Variants in CNTLN observed in about 807,000 individuals in gnomAD.
The protein encoded by CNTLN is centlein, centrosomal protein.
In CNTLN, 212 loss-of-function variants were observed where a neutral mutation model predicts 180.0. The observed-to-expected ratio is 1.18, with a 90% confidence interval of 1.05 to 1.32. CNTLN has a LOEUF of 1.32. Among genes scored for constraint, CNTLN ranks in the 40% most tolerant of loss-of-function variants. The pLI is 0.00. For synonymous variants in CNTLN, 722 were observed against 563.1 expected, an observed-to-expected ratio of 1.28 and a Z score of -3.99; for missense variants, 2,095 against 1,610.9, an observed-to-expected ratio of 1.30 and a Z score of -5.14.
chr9:17,450,417 AAG>A (rs1276825686), intron 18 of CNTLN, among the ~76,000 whole-genome samples: 1 of 152,222 alleles, frequency 6.6e-6, no homozygotes, highest in Non-Finnish European at 1.5e-5. Flanking sequence ...TGACTTAAAA[AAG>A]AAAGTTCCTC....
intron 5 of CNTLN, among the ~76,000 whole-genome samples, chr9:17,240,966 C>A (rs1190325608): frequency 6.6e-6 from 1 of 152,162 alleles, no homozygotes; most frequent in African/African-American, 2.4e-5. Flanking sequence ...TCATGCCATT[C>A]TCCTGCCTCA....
intron 18 of CNTLN, among the ~76,000 whole-genome samples, chr9:17,418,526 T>C (rs1203982425): frequency 3.9e-5 from 6 of 152,070 alleles, no homozygotes; most frequent in Non-Finnish European, 8.8e-5. Flanking sequence ...ATTTGGGTAG[T>C]ATCTGTTGAT....
At chr9:17,219,139 A>T (rs1823960264) in intron 2 of CNTLN, among the ~76,000 whole-genome samples, 1 of 151,996 alleles carries the variant, frequency 6.6e-6, no homozygotes, top group South Asian at 2.1e-4. Context: ...GTCGGCAAAT[A>T]TTCTTCGCTC....
At chr9:17,197,216 T>C (rs796106560) in intron 2 of CNTLN, among the ~76,000 whole-genome samples, 4 of 152,324 alleles carry the variant, frequency 2.6e-5, no homozygotes, top group African/African-American at 9.6e-5. Flanking sequence ...TTTATAGTTA[T>C]TTTCATATAT....
Position 17,135,273 on chromosome 9 carries a change from G to C in CNTLN, c.208G>C (p.Gly70Arg), listed in dbSNP as rs749777878. The stretch of plus-strand genomic sequence containing the variant: ...AGGGTCAGGGGGCCGGCGAGGGCCT[G>C]GGGGGGCAGCTCCGGCTCATGCTCC... ...EEGSGGRRGP[G>R]GAAPAHAPLL... Residue 70 changes from glycine to arginine, a missense_variant, in exon 1 of 26, where the codon GGG becomes CGG. Physicochemically the swap from Gly to Arg is moderately radical, Grantham distance 125. Transcript: ENST00000380647. 8.5e-5 allele frequency: 136 copies of C among 1,598,882 alleles called. No individual in the cohort carries two copies. In the African/African-American group the frequency reaches 1.4e-3, roughly 17 times the overall value.
At chr9:17,181,183 T>A (rs1478299347) in intron 2 of CNTLN, among the ~76,000 whole-genome samples, 1 of 152,314 alleles carries the variant, frequency 6.6e-6, no homozygotes, top group South Asian at 2.1e-4. Flanking sequence ...GTTGTAAATA[T>A]TAGATCTTTG....
At chr9:17,296,809 T>G (rs770104136) in intron 6 of CNTLN, among the ~76,000 whole-genome samples, 4 of 152,222 alleles carry the variant, frequency 2.6e-5, no homozygotes, top group Non-Finnish European at 4.4e-5. Flanking sequence ...TGTATCTGTA[T>G]GGATGCAGGG....
intron 12 of CNTLN, among the ~76,000 whole-genome samples, chr9:17,360,462 A>T (rs540787059): frequency 1.6e-4 from 25 of 152,292 alleles, no homozygotes; most frequent in African/African-American, 5.3e-4. Context: ...TTTTGATTGA[A>T]GACAGGCTAG....
intron 1 of CNTLN, among the ~76,000 whole-genome samples, chr9:17,139,313 C>G (rs1158177397): frequency 6.6e-6 from 1 of 151,778 alleles, no homozygotes; most frequent in Non-Finnish European, 1.5e-5. Flanking sequence ...GTCTCAAACT[C>G]CTGACCTTGT....
intron 25 of CNTLN, 95 bp from the exon 26 acceptor site, chr9:17,502,456 G>T: frequency 1.7e-6 from 1 of 587,404 alleles, no homozygotes; most frequent in South Asian, 2.3e-5. Flanking sequence ...CAAAGTTGCA[G>T]ACATCTAACT....
intron 6 of CNTLN, among the ~76,000 whole-genome samples, chr9:17,288,634 T>A (rs1196140058): frequency 1.5e-5 from 2 of 134,408 alleles, no homozygotes; most frequent in Non-Finnish European, 3.1e-5. Context: ...TATTAATGTG[T>A]GGGAGTCTAA....
At chr9:17,135,477 C>A in intron 1 of CNTLN, 52 bp downstream of exon 1, 13 of 1,539,100 alleles carry the variant, frequency 8.4e-6, no homozygotes, top group Non-Finnish European at 1.1e-5. Flanking sequence ...GGGCCGGGAC[C>A]CGTGGGGAGG....
intron 13 of CNTLN, among the ~76,000 whole-genome samples, chr9:17,370,296 T>C (rs1824204280): frequency 1.3e-5 from 2 of 152,124 alleles, no homozygotes; most frequent in South Asian, 4.1e-4. Context: ...GAAAGGACCC[T>C]AAAAGCAGCA....
In CNTLN at chr9:17,487,245, A is replaced by G. The variant is rs528390862; in HGVS notation, c.4119+179A>G. On this transcript the variant is annotated intron_variant, in intron 25 of 25. Coordinates refer to ENST00000380647, the MANE Select transcript of CNTLN (RefSeq NM_017738.4). Reference sequence around the variant, plus strand: ...CTCTATTTGTACTTTGGGACTTAACAAATGAAACAAATACCTTGGGATAGA... The same window carrying G: ...CTCTATTTGTACTTTGGGACTTAACGAATGAAACAAATACCTTGGGATAGA... 23 of 591,856 alleles carry G rather than the reference A, an allele frequency of 3.9e-5. No homozygotes were observed. In the African/African-American group the frequency reaches 4.2e-4, roughly 11 times the overall value. 36.7% of individuals were successfully genotyped at this position (591,856 alleles called of 1,614,324 possible).
chr9:17,400,708 CA>C (rs1443215100), intron 15 of CNTLN, among the ~76,000 whole-genome samples: 2 of 152,086 alleles, frequency 1.3e-5, no homozygotes, highest in Non-Finnish European at 2.9e-5. Flanking sequence ...TAAAAGGAAT[CA>C]TTTTTTTTGG....
intron 25 of CNTLN, among the ~76,000 whole-genome samples, chr9:17,490,504 C>G (rs1052849052): frequency 6.6e-6 from 1 of 152,108 alleles, no homozygotes; most frequent in Admixed American, 6.6e-5. Context: ...ATGTTACATA[C>G]TTTATGATTC....
chr9:17,163,017 C>T (rs1318431886), intron 2 of CNTLN, among the ~76,000 whole-genome samples: 1 of 152,144 alleles, frequency 6.6e-6, no homozygotes, highest in South Asian at 2.1e-4. Context: ...ATTCACAATT[C>T]CACATGGCTT....
chr9:17,267,231 C>T (rs978368462), intron 5 of CNTLN, among the ~76,000 whole-genome samples: 3 of 152,020 alleles, frequency 2.0e-5, no homozygotes, highest in African/African-American at 7.2e-5. Context: ...TAGGGCAGGC[C>T]TGGTGGTGAC....
intron 13 of CNTLN, 75 bp downstream of exon 13, chr9:17,366,792 T>C: frequency 2.4e-6 from 2 of 839,740 alleles, no homozygotes; most frequent in Non-Finnish European, 3.9e-6. Context: ...AGTTTCAATT[T>C]CTTTTAAGAA....
Sources: gnomAD v4.1 joint callset for allele counts (sites outside exome capture counted in the v4.1 genomes callset) on GRCh38, gnomAD v4.1.1 for gene constraint, MANE v1.5 for transcripts, NCBI Gene and HGNC (gene_info 2026-07-23, HGNC 2026-07-21) for gene names.